The following TAF1A variants were observed in gnomAD, a reference collection of about 807,000 sequenced individuals.
TAF1A encodes TATA box-binding protein-associated factor RNA polymerase I subunit A.
Under a neutral mutation model 61.6 loss-of-function variants are expected in TAF1A, and 42 were observed. That is an observed-to-expected ratio of 0.68 (90% CI 0.53 to 0.88). The LOEUF (loss-of-function observed/expected upper bound fraction) is 0.88, where lower values mean the gene tolerates loss of function less well. Ranked by LOEUF, TAF1A falls within the 40% of genes least tolerant of loss-of-function variation. The pLI is 0.00. For synonymous variants in TAF1A, 179 were observed against 177.7 expected, an observed-to-expected ratio of 1.01 and a Z score of -0.06; for missense variants, 424 against 518.7, an observed-to-expected ratio of 0.82 and a Z score of 1.77.
chr1:222,584,454 C>A (rs570382724), intron 2 of TAF1A, among the ~76,000 whole-genome samples, 157 bp from the exon 3 acceptor site: 1 of 152,086 alleles, frequency 6.6e-6, no homozygotes, highest in East Asian at 1.9e-4. Context: ...TGAAACAAAC[C>A]CTTCTACATT....
chr1:222,564,869 GATCA>G (rs1483743302), intron 7 of TAF1A, among the ~76,000 whole-genome samples: 2 of 152,088 alleles, frequency 1.3e-5, no homozygotes, highest in Non-Finnish European at 2.9e-5. Flanking sequence ...TTTTTAAAAA[GATCA>G]ATCAAGATCA....
At chr1:222,566,746 T>TACCG (rs1453817334) in intron 7 of TAF1A, among the ~76,000 whole-genome samples, 6 of 152,134 alleles carry the variant, frequency 3.9e-5, no homozygotes, top group Non-Finnish European at 7.4e-5. Context: ...CACAAACAGA[T>TACCG]ACCGGTCCAT....
chr1:222,586,201 C>G (rs938322480), intron 2 of TAF1A, among the ~76,000 whole-genome samples: 2 of 133,736 alleles, frequency 1.5e-5, no homozygotes, highest in African/African-American at 5.6e-5. Context: ...CCAGCTCTCT[C>G]AATCAGAAGC....
chr1:222,566,412 C>T (rs1660119384), intron 7 of TAF1A, among the ~76,000 whole-genome samples: 1 of 152,138 alleles, frequency 6.6e-6, no homozygotes, highest in South Asian at 2.1e-4. Flanking sequence ...ATGCACTTTA[C>T]ATTTATTGTG....
At chr1:222,573,484 C>T (rs371142989) in intron 5 of TAF1A, among the ~76,000 whole-genome samples, 1 of 151,812 alleles carries the variant, frequency 6.6e-6, no homozygotes. Context: ...TACAAATGGC[C>T]CATAAGCACA....
rs2936033 is a variant in TAF1A at position 222,577,692 on chromosome 1, T to C, written c.406-49A>G. On this transcript the variant is annotated intron_variant, in intron 4 of 10. Coordinates refer to ENST00000352967, the MANE Select transcript of TAF1A (RefSeq NM_005681.4). The stretch of plus-strand genomic sequence containing the variant: ...CGCCATTTAAGCCATTAGATAACCA[T>C]TAGTCAAAAAGCTCAGTAAATATAT... 0.68 allele frequency: 1,041,418 copies of C among 1,526,690 alleles called. 361,724 individuals carry two copies. The highest frequency in any genetic ancestry group is 0.72 in the Non-Finnish European group (790,047 of 1,103,750). The allele number at this position is 1,526,690 out of a possible 1,614,324, so 94.6% of individuals were successfully genotyped here.
At chr1:222,559,076 A>G (rs1015059010) in intron 10 of TAF1A, among the ~76,000 whole-genome samples, 1 of 152,366 alleles carries the variant, frequency 6.6e-6, no homozygotes, top group Middle Eastern at 3.4e-3. Context: ...CATAGACTTT[A>G]GCTTGTTTTC....
At chr1:222,571,410 T>G (rs1399961020) in intron 5 of TAF1A, among the ~76,000 whole-genome samples, 1 of 152,092 alleles carries the variant, frequency 6.6e-6, no homozygotes, top group Non-Finnish European at 1.5e-5. Flanking sequence ...AACAAAAAGA[T>G]ATCCAAGATT....
chr1:222,556,657 T>C (rs1659730778), downstream of TAF1A, among the ~76,000 whole-genome samples: 1 of 152,210 alleles, frequency 6.6e-6, no homozygotes, highest in Non-Finnish European at 1.5e-5. Context: ...CACAGGTGAC[T>C]TGCACTACTC....
intron 1 of TAF1A, among the ~76,000 whole-genome samples, chr1:222,589,025 G>C (rs1661141961): frequency 6.6e-6 from 1 of 152,066 alleles, no homozygotes; most frequent in African/African-American, 2.4e-5. Flanking sequence ...AAAACTGAGG[G>C]GCTTAGTGAA....
intron 2 of TAF1A, among the ~76,000 whole-genome samples, chr1:222,585,450 T>G (rs1660972284): frequency 1.4e-5 from 2 of 147,028 alleles, no homozygotes; most frequent in African/African-American, 5.1e-5. Context: ...TTTAGATAAC[T>G]TTATTAAAAA....
Position 222,567,972 on chromosome 1 carries a change from T to C in TAF1A, c.894+1538A>G, listed in dbSNP as rs368273163. 1.1e-4 allele frequency among the ~76,000 whole-genome samples: 16 copies of C among 152,202 alleles called. No individual in the cohort carries two copies. The South Asian group carries it at 2.5e-3, about 24-fold the overall frequency. ...ATTTTCATCTATTGAGGTGGAAATA[T>C]ACATCACTAGAACACAACAGACTTC... On this transcript the variant is annotated intron_variant, in intron 7 of 10. Coordinates refer to ENST00000352967, the MANE Select transcript of TAF1A (RefSeq NM_005681.4).
intron 3 of TAF1A, among the ~76,000 whole-genome samples, chr1:222,581,757 A>G (rs1025736013): frequency 8.5e-5 from 13 of 152,306 alleles, no homozygotes; most frequent in African/African-American, 2.9e-4. Context: ...CTTTCCAAGA[A>G]CTGGTTAAGG....
intron 5 of TAF1A, among the ~76,000 whole-genome samples, chr1:222,572,096 G>A (rs1163687641): frequency 6.6e-6 from 1 of 151,892 alleles, no homozygotes; most frequent in Admixed American, 6.6e-5. Context: ...GCACACGCCT[G>A]TAGTCCCAGC....
Position 222,587,330 on chromosome 1 carries a change from A to G in TAF1A, c.121+1113T>C, listed in dbSNP as rs17163275. Among the ~76,000 whole-genome samples the G allele has an allele frequency of 2.8e-4, 42 of 152,326 alleles. No individual in the cohort carries two copies. In the East Asian group the frequency reaches 4.1e-3, roughly 15 times the overall value. The stretch of plus-strand genomic sequence containing the variant: ...CAGACAAACCTGGATTTGACTCCTG[A>G]TACCACTTAAGAGTTTAATGTCTTT... On this transcript the variant is annotated intron_variant, in intron 2 of 10. Transcript: ENST00000352967.
Position 222,584,253 on chromosome 1 carries a change from C to A in TAF1A, c.166G>T (p.Ala56Ser), listed in dbSNP as rs1558154361. ...RRKDFAQTTSACLSFIQEALL... is the reference protein window; with the variant it reads ...RRKDFAQTTSSCLSFIQEALL... Reference sequence around the variant, plus strand: ...GCTTCTTGGATAAAACTTAAACAAGCACTTGTTGTCTGAGCAAAATCCTTC... The same window carrying A: ...GCTTCTTGGATAAAACTTAAACAAGAACTTGTTGTCTGAGCAAAATCCTTC... Residue 56 changes from alanine (A) to serine (S), a missense_variant, in exon 3 of 11, where the codon GCT becomes TCT. Coordinates refer to ENST00000352967, the MANE Select transcript of TAF1A (RefSeq NM_005681.4). 6.2e-7 allele frequency: 1 copy of A among 1,610,062 alleles called. No individual in the cohort carries two copies. The highest frequency in any genetic ancestry group is 8.5e-7 in the Non-Finnish European group (1 of 1,179,088).
chr1:222,577,988 CG>C (rs1388871827), intron 4 of TAF1A, among the ~76,000 whole-genome samples: 1 of 152,126 alleles, frequency 6.6e-6, no homozygotes, highest in Non-Finnish European at 1.5e-5. Flanking sequence ...ATTTGTTTTA[CG>C]GAACATTACT....
intron 5 of TAF1A, among the ~76,000 whole-genome samples, chr1:222,571,726 C>A (rs1430478353): frequency 6.6e-6 from 1 of 151,904 alleles, no homozygotes; most frequent in African/African-American, 2.4e-5. Context: ...TTTTTTAAGA[C>A]CTAAATGAAT....
rs937915048 is a variant in TAF1A, at chr1:222,558,460, A to G, written c.*200T>C. The G allele has an allele frequency of 4.0e-6, 1 of 251,916 alleles. No homozygotes were observed. The highest frequency in any genetic ancestry group is 7.4e-6 in the Non-Finnish European group (1 of 135,326). The allele number at this position is 251,916 out of a possible 1,614,324, so 15.6% of individuals were successfully genotyped here. A position where few individuals can be genotyped will look rare whatever the true frequency, so the allele number is the denominator to read the frequency against. On this transcript the variant is annotated 3_prime_UTR_variant, in exon 11 of 11. Transcript: ENST00000352967. ...AATGTAACATTTAACATTACAAAAA[A>G]GAAAACAGACATAGTTACAAAGAGC...
Sources: allele counts gnomAD v4.1 joint callset (sites outside exome capture counted in the v4.1 genomes callset), GRCh38; gene constraint gnomAD v4.1.1; transcripts MANE v1.5; gene names NCBI Gene and HGNC (gene_info 2026-07-23, HGNC 2026-07-21).